VMP1: variants seen among roughly 807,000 people sequenced by gnomAD.
VMP1 encodes the protein vacuole membrane protein 1.
VMP1 carries 11 observed loss-of-function variants against 56.0 expected under a neutral mutation model. The ratio of observed to expected loss-of-function variants is 0.20; its 90% CI spans 0.12 to 0.32. VMP1 has a LOEUF of 0.32. Ranked by LOEUF, VMP1 falls within the 10% of genes least tolerant of loss-of-function variation. VMP1 has a pLI of 1.00. For synonymous variants in VMP1, 149 were observed against 165.0 expected (o/e 0.90, Z 0.74); for missense variants, 296 against 490.3 (o/e 0.60, Z 3.74).
intron 7 of VMP1, among the ~76,000 whole-genome samples, chr17:59,806,707 G>A (rs1205247569): frequency 8.8e-5 from 10 of 113,954 alleles, no homozygotes; most frequent in Non-Finnish European, 1.2e-4. Context: ...AAGAGTGAAA[G>A]TTTGTCTCAA....
At chr17:59,817,664 GTTT>G in intron 9 of VMP1, 45 bp from the exon 10 acceptor site, 1 of 1,431,872 alleles carries the variant, frequency 7.0e-7, no homozygotes, top group South Asian at 1.2e-5. Context: ...ATTTATGTTG[GTTT>G]TTTGATGACT....
chr17:59,751,744 C>CA (rs932086949), intron 5 of VMP1, among the ~76,000 whole-genome samples: 10,464 of 41,370 alleles, frequency 0.25, 1,270 homozygotes, highest in East Asian at 0.42. Flanking sequence ...AACTCCGTCT[C>CA]AAAAAAAAAA....
chr17:59,732,485 C>T lies in VMP1; in HGVS notation c.76+963C>T, dbSNP rs2034865352. ...CTTGAACTCCTGACCTCGGGTGATC[C>T]ACCCACCTTGGCCTCCCAAAGTGCT... On this transcript the variant is annotated intron_variant, in intron 2 of 11. Coordinates refer to ENST00000262291, the MANE Select transcript of VMP1 (RefSeq NM_030938.5). Among the ~76,000 whole-genome samples the T allele has an allele frequency of 2.6e-5, 4 of 152,276 alleles. No homozygotes were observed. The South Asian group carries it at 8.3e-4, about 32-fold the overall frequency.
intron 2 of VMP1, among the ~76,000 whole-genome samples, chr17:59,733,114 C>T (rs1285216435): frequency 6.6e-6 from 1 of 152,026 alleles, no homozygotes; most frequent in Non-Finnish European, 1.5e-5. Context: ...ATCGATTTAG[C>T]CCACAAGGCT....
chr17:59,774,765 T>C (rs1452905842), intron 7 of VMP1, among the ~76,000 whole-genome samples: 1 of 151,958 alleles, frequency 6.6e-6, no homozygotes, highest in Non-Finnish European at 1.5e-5. Flanking sequence ...TTACTGCAGC[T>C]TCAAACTCTT....
At chr17:59,788,542 G>A (rs1423651984) in intron 7 of VMP1, among the ~76,000 whole-genome samples, 4 of 150,812 alleles carry the variant, frequency 2.7e-5, no homozygotes, top group Non-Finnish European at 5.9e-5. Context: ...GGTGGCTCAC[G>A]CCTGTAATCC....
intron 10 of VMP1, 57 bp downstream of exon 10, chr17:59,817,830 T>G: frequency 7.3e-7 from 1 of 1,368,514 alleles, no homozygotes; most frequent in Non-Finnish European, 1.0e-6. Context: ...TGGGAGTAAA[T>G]GTGTACAAGA....
intron 5 of VMP1, among the ~76,000 whole-genome samples, chr17:59,758,633 T>G (rs1041897749): frequency 4.6e-5 from 7 of 151,680 alleles, no homozygotes; most frequent in Non-Finnish European, 1.0e-4. Context: ...GAGACTAGCC[T>G]GGGCAACATA....
chr17:59,723,250 C>G (rs2034467499), intron 1 of VMP1, among the ~76,000 whole-genome samples: 1 of 152,078 alleles, frequency 6.6e-6, no homozygotes, highest in Non-Finnish European at 1.5e-5. Flanking sequence ...CATCATTTTG[C>G]CTTTGAAAGA....
At chr17:59,724,490 G>A (rs2034520459) in intron 1 of VMP1, among the ~76,000 whole-genome samples, 1 of 151,896 alleles carries the variant, frequency 6.6e-6, no homozygotes, top group African/African-American at 2.4e-5. Flanking sequence ...AGGCCAGCCT[G>A]GACAACATGG....
chr17:59,726,181 ATATT>A (rs1227964067), intron 1 of VMP1, among the ~76,000 whole-genome samples: 1 of 152,090 alleles, frequency 6.6e-6, no homozygotes, highest in Non-Finnish European at 1.5e-5. Flanking sequence ...TTATTTGTAA[ATATT>A]TATCATATAT....
chr17:59,745,146 G>A (rs1034564595), intron 5 of VMP1, among the ~76,000 whole-genome samples: 1 of 152,128 alleles, frequency 6.6e-6, no homozygotes, highest in African/African-American at 2.4e-5. Context: ...CATATTATTT[G>A]CTTTGACCAA....
At chr17:59,803,031 C>T (rs945590269) in intron 7 of VMP1, among the ~76,000 whole-genome samples, 2 of 152,228 alleles carry the variant, frequency 1.3e-5, no homozygotes, top group African/African-American at 4.8e-5. Flanking sequence ...AGGCATGAGC[C>T]ACCGCATATG....
intron 7 of VMP1, among the ~76,000 whole-genome samples, chr17:59,780,835 G>T (rs528140897): frequency 3.3e-5 from 5 of 152,078 alleles, no homozygotes; most frequent in Admixed American, 1.3e-4. Context: ...TGATCCACCC[G>T]CCTGGGCCTC....
At chr17:59,709,907 T>C (rs534612538) in intron 1 of VMP1, among the ~76,000 whole-genome samples, 43 of 152,188 alleles carry the variant, frequency 2.8e-4, no homozygotes, top group African/African-American at 1.0e-3. Flanking sequence ...ATAAGAAACC[T>C]TATTATTGGG....
chr17:59,798,914 A>C (rs538512134), intron 7 of VMP1, among the ~76,000 whole-genome samples: 2 of 152,286 alleles, frequency 1.3e-5, no homozygotes, highest in Non-Finnish European at 2.9e-5. Flanking sequence ...AGAAAAAGCA[A>C]GATGTAATTT....
chr17:59,748,886 TA>T (rs1568072040), intron 5 of VMP1, among the ~76,000 whole-genome samples: 2 of 140,758 alleles, frequency 1.4e-5, no homozygotes, highest in African/African-American at 2.7e-5. Context: ...TTATTATTAT[TA>T]TTATTTATTT....
chr17:59,712,287 G>C (rs1031652985), intron 1 of VMP1, among the ~76,000 whole-genome samples: 4 of 152,158 alleles, frequency 2.6e-5, no homozygotes, highest in Admixed American at 1.3e-4. Flanking sequence ...ATAAATATCT[G>C]AGTATACACT....
intron 5 of VMP1, among the ~76,000 whole-genome samples, chr17:59,742,007 GA>G (rs1400803822): frequency 2.6e-5 from 4 of 152,116 alleles, no homozygotes; most frequent in Admixed American, 2.0e-4. Context: ...TAACTGTATA[GA>G]AAACAGTTAT....
Sources: allele counts gnomAD v4.1 joint callset (sites outside exome capture counted in the v4.1 genomes callset), GRCh38; gene constraint gnomAD v4.1.1; transcripts MANE v1.5; gene names NCBI Gene and HGNC (gene_info 2026-07-23, HGNC 2026-07-21).